The following SPDYA variants were observed in gnomAD, a reference collection of about 807,000 sequenced individuals.
SPDYA encodes speedy/RINGO cell cycle regulator family member A.
In SPDYA, 11 loss-of-function variants were observed where a neutral mutation model predicts 36.7. That is an observed-to-expected ratio of 0.30 (90% CI 0.19 to 0.50). SPDYA has a LOEUF of 0.50. Ranked by LOEUF, SPDYA falls within the 20% of genes least tolerant of loss-of-function variation. The pLI, the probability that SPDYA is intolerant of heterozygous loss-of-function variation, is 0.98. For missense variants in SPDYA, 287 were observed against 370.9 expected (o/e 0.77, Z 1.86); for synonymous variants, 115 against 118.7 (o/e 0.97, Z 0.20).
chr2:28,820,356 CG>C (rs991753717), intron 4 of SPDYA, among the ~76,000 whole-genome samples: 3 of 151,962 alleles, frequency 2.0e-5, no homozygotes, highest in Admixed American at 2.0e-4. Context: ...GATGCTGAGG[CG>C]GGCAGATCAC....
At chr2:28,833,306 TTCATC>T (rs1417900057) in intron 6 of SPDYA, among the ~76,000 whole-genome samples, 3 of 152,142 alleles carry the variant, frequency 2.0e-5, no homozygotes, top group Non-Finnish European at 4.4e-5. Context: ...TCTCTTTGAT[TTCATC>T]TCATATCTTT....
intron 7 of SPDYA, among the ~76,000 whole-genome samples, chr2:28,847,992 G>A (rs1312603780): frequency 6.6e-6 from 1 of 152,160 alleles, no homozygotes; most frequent in Admixed American, 6.5e-5. Flanking sequence ...ACCTAGGTGT[G>A]TAGTAGGCTA....
chr2:28,817,265 GA>G (rs1474416495), intron 3 of SPDYA, among the ~76,000 whole-genome samples: 8 of 152,138 alleles, frequency 5.3e-5, no homozygotes, highest in Non-Finnish European at 1.2e-4. Flanking sequence ...GGTAACTTAA[GA>G]AATTATAAAT....
rs768514789 is a variant in SPDYA, at chr2:28,819,078, T to C, written c.266T>C (p.Met89Thr). The change falls in exon 4 of 8, where the codon ATG becomes ACG. Residue 89 changes from methionine (M) to threonine (T), a missense_variant. Transcript: ENST00000334056. The stretch of plus-strand genomic sequence containing the variant: ...GATTTAATTCAAGATTTCTTGTGGA[T>C]GGACTGCTGCTGTAAAATTGCAGAC... ...DDDLIQDFLW[M>T]DCCCKIADKY... 4.6e-5 allele frequency: 74 copies of C among 1,611,792 alleles called. No homozygotes were observed. In the Admixed American group the frequency reaches 1.2e-3, roughly 26 times the overall value.
chr2:28,850,565 C>T lies in SPDYA; in HGVS notation c.*624C>T. The T allele has an allele frequency of 1.8e-6, 1 of 569,582 alleles. No individual in the cohort carries two copies. The allele number at this position is 569,582 out of a possible 1,614,324, so 35.3% of individuals were successfully genotyped here. A position where few individuals can be genotyped will look rare whatever the true frequency, so the allele number is the denominator to read the frequency against. On this transcript the variant is annotated 3_prime_UTR_variant, in exon 8 of 8. Transcript: ENST00000334056. ...TACTCTGCCAGTTATTATACAGAAACTATTTGTCAATGATTATGTAATAAA... is the reference window on the plus strand; with the variant it reads ...TACTCTGCCAGTTATTATACAGAAATTATTTGTCAATGATTATGTAATAAA...
At chr2:28,838,178 ATTT>A (rs61135451) in intron 6 of SPDYA, among the ~76,000 whole-genome samples, 66,931 of 115,518 alleles carry the variant, frequency 0.58, 19,004 homozygotes, top group East Asian at 0.73. Context: ...GAAGTAACGG[ATTT>A]TTTTTTTTTT....
At chr2:28,825,377 A>C (rs1301640074) in intron 5 of SPDYA, among the ~76,000 whole-genome samples, 8 of 152,146 alleles carry the variant, frequency 5.3e-5, no homozygotes, top group Non-Finnish European at 8.8e-5. Flanking sequence ...TATGCAATAC[A>C]ATTATCTGTA....
chr2:28,832,270 TA>T (rs1668497169), intron 6 of SPDYA, among the ~76,000 whole-genome samples: 1 of 152,220 alleles, frequency 6.6e-6, no homozygotes, highest in South Asian at 2.1e-4. Flanking sequence ...CTACTCAATT[TA>T]GCAGCATTTG....
At chr2:28,845,870 C>A (rs1668860139) in intron 7 of SPDYA, among the ~76,000 whole-genome samples, 1 of 152,086 alleles carries the variant, frequency 6.6e-6, no homozygotes, top group Non-Finnish European at 1.5e-5. Context: ...TACGATTAAT[C>A]ACCTTATATA....
intron 1 of SPDYA, among the ~76,000 whole-genome samples, chr2:28,812,702 C>A (rs562145970): frequency 2.6e-5 from 4 of 151,636 alleles, no homozygotes; most frequent in South Asian, 2.1e-4. Flanking sequence ...ACTGAAAATA[C>A]GAAAATTAGC....
At chr2:28,818,804 C>G (rs1041506172) in intron 3 of SPDYA, among the ~76,000 whole-genome samples, 3 of 152,184 alleles carry the variant, frequency 2.0e-5, no homozygotes, top group East Asian at 1.9e-4. Context: ...CTACCATTCT[C>G]CAATCTGAGC....
chr2:28,823,735 ATATATATAT>A (rs1278521641), intron 5 of SPDYA, among the ~76,000 whole-genome samples: 83 of 89,596 alleles, frequency 9.3e-4, no homozygotes, highest in African/African-American at 2.6e-3. Context: ...ATATATATAT[ATATATATAT>A]AAAATTTTTT....
At chr2:28,822,274 T>C (rs1479062858) in intron 4 of SPDYA, 51 bp from the exon 5 acceptor site, 1 of 860,572 alleles carries the variant, frequency 1.2e-6, no homozygotes. Flanking sequence ...AAAGCAGTTT[T>C]ATTTATGAAA....
At chr2:28,820,668 A>G (rs952901543) in intron 4 of SPDYA, among the ~76,000 whole-genome samples, 5 of 152,088 alleles carry the variant, frequency 3.3e-5, no homozygotes, top group African/African-American at 1.2e-4. Flanking sequence ...TCGTGCTAAG[A>G]ATTTTCAGCT....
At chr2:28,830,500 G>C (rs1016554373) in intron 6 of SPDYA, among the ~76,000 whole-genome samples, 1 of 152,038 alleles carries the variant, frequency 6.6e-6, no homozygotes, top group Non-Finnish European at 1.5e-5. Context: ...ACCGTGCCCG[G>C]CTTATAGTAA....
intron 7 of SPDYA, among the ~76,000 whole-genome samples, chr2:28,843,890 G>A (rs7597048): frequency 0.42 from 63,206 of 151,682 alleles, 13,997 homozygotes; most frequent in Non-Finnish European, 0.51. Flanking sequence ...GCTTTATGAC[G>A]CCTGGGCTGG....
rs1016145776 is a variant in SPDYA at position 28,821,178 on chromosome 2, ATTT to A, written c.295-1137_295-1135del. Among the ~76,000 whole-genome samples the A allele has an allele frequency of 3.1e-3, 402 of 130,310 alleles. 4 individuals carry two copies. The highest frequency in any genetic ancestry group is 0.011 in the African/African-American group (390 of 34,878). The allele number at this position is 130,310 out of a possible 152,430, so 85.5% of individuals were successfully genotyped here. ...ACAATTCATGTGGAGTTATGATGTGATTTTTTTTTTTTCTTTTTCTTTTTTTTT... is the reference window on the plus strand; with the variant it reads ...ACAATTCATGTGGAGTTATGATGTGATTTTTTTTTCTTTTTCTTTTTTTTT... On this transcript the variant is annotated intron_variant, in intron 4 of 7. Transcript: ENST00000334056.
At chr2:28,823,331 A>G (rs1179211262) in intron 5 of SPDYA, among the ~76,000 whole-genome samples, 1 of 152,078 alleles carries the variant, frequency 6.6e-6, no homozygotes, top group Non-Finnish European at 1.5e-5. Flanking sequence ...TTATTTAAGA[A>G]TATGTTTCTG....
At chr2:28,828,613 G>T (rs1399829374) in intron 5 of SPDYA, among the ~76,000 whole-genome samples, 1 of 152,184 alleles carries the variant, frequency 6.6e-6, no homozygotes, top group Non-Finnish European at 1.5e-5. Context: ...GTGCATGCCT[G>T]GTCCCCATCA....
Sources: gnomAD v4.1 joint callset for allele counts (sites outside exome capture counted in the v4.1 genomes callset) on GRCh38, gnomAD v4.1.1 for gene constraint, MANE v1.5 for transcripts, NCBI Gene and HGNC (gene_info 2026-07-23, HGNC 2026-07-21) for gene names.